The following FOXP1 variants were observed in gnomAD, a reference collection of about 807,000 sequenced individuals.
The protein encoded by FOXP1 is forkhead box P1.
FOXP1 carries 15 observed loss-of-function variants against 98.2 expected under a neutral mutation model. The observed-to-expected ratio is 0.15, with a 90% CI of 0.10 to 0.24. FOXP1 has a LOEUF of 0.24. Ranked by LOEUF, FOXP1 falls within the 10% of genes least tolerant of loss-of-function variation. The pLI is 1.00. For missense variants in FOXP1, 633 were observed against 848.5 expected, an observed-to-expected ratio of 0.75 and a Z score of 3.15; for synonymous variants, 371 against 314.5, an observed-to-expected ratio of 1.18 and a Z score of -1.90.
chr3:70,955,091 G>C lies in FOXP1; in HGVS notation c.*4156C>G, dbSNP rs1179264499. ...ACTTTGAAGACATCCAGAATTTCAGGAGGCTATGTCATTAACCAAAAGGTA... is the reference window on the plus strand; with the variant it reads ...ACTTTGAAGACATCCAGAATTTCAGCAGGCTATGTCATTAACCAAAAGGTA... On this transcript the variant is annotated 3_prime_UTR_variant, in exon 21 of 21. Transcript: ENST00000649528. 8.6e-6 allele frequency: 2 copies of C among 232,248 alleles called. No homozygotes were observed. The highest frequency in any genetic ancestry group is 1.7e-5 in the Non-Finnish European group (2 of 117,516). The allele number at this position is 232,248 out of a possible 1,614,324, so 14.4% of individuals were successfully genotyped here.
intron 2 of FOXP1, among the ~76,000 whole-genome samples, chr3:71,524,286 TC>T (rs897101182): frequency 4.6e-5 from 7 of 151,848 alleles, no homozygotes; most frequent in Non-Finnish European, 7.4e-5. Context: ...ATCACTTGAA[TC>T]AGGAAGCAGA....
At chr3:71,179,134 CTT>C (rs34816512) in intron 6 of FOXP1, among the ~76,000 whole-genome samples, 7 of 124,800 alleles carry the variant, frequency 5.6e-5, no homozygotes, top group Admixed American at 8.8e-5. Context: ...TCTTAACAAT[CTT>C]TTTTTTTTTT....
At chr3:71,470,895 T>C (rs1157449691) in intron 3 of FOXP1, among the ~76,000 whole-genome samples, 2 of 152,200 alleles carry the variant, frequency 1.3e-5, no homozygotes, top group Non-Finnish European at 2.9e-5. Flanking sequence ...TGAATGGTAC[T>C]TGCACCCACG....
intron 6 of FOXP1, among the ~76,000 whole-genome samples, chr3:71,191,354 T>C (rs1017185144): frequency 2.0e-5 from 3 of 152,172 alleles, no homozygotes; most frequent in African/African-American, 2.4e-5. Flanking sequence ...TAGGGCGTTC[T>C]TTTTTTATGA....
At chr3:71,130,932 A>ACCAAG in intron 6 of FOXP1, 1 of 1,281,584 alleles carries the variant, frequency 7.8e-7, no homozygotes, top group Non-Finnish European at 9.9e-7. Context: ...CCCTGGCTAG[A>ACCAAG]CCAAGCCCTA....
At chr3:71,531,070 A>G (rs2043807708) in intron 2 of FOXP1, among the ~76,000 whole-genome samples, 1 of 152,236 alleles carries the variant, frequency 6.6e-6, no homozygotes, top group African/African-American at 2.4e-5. Flanking sequence ...TTATGTTTAA[A>G]TCTGCGTTCA....
At chr3:71,184,336 A>T (rs2062517092) in intron 6 of FOXP1, among the ~76,000 whole-genome samples, 1 of 152,204 alleles carries the variant, frequency 6.6e-6, no homozygotes, top group African/African-American at 2.4e-5. Context: ...ACAAATTTAC[A>T]CTGCCTTCAG....
intron 2 of FOXP1, among the ~76,000 whole-genome samples, chr3:71,559,865 G>A (rs902735319): frequency 2.0e-5 from 3 of 151,746 alleles, no homozygotes; most frequent in South Asian, 2.1e-4. Context: ...TGGGGGTTGC[G>A]GGGGGGACCT....
At position 71,490,566 on chromosome 3, in the gene FOXP1, C is replaced by G. The variant is rs201637553; in HGVS notation, c.-168+2860G>C. 3.0e-4 allele frequency among the ~76,000 whole-genome samples: 45 copies of G among 152,038 alleles called. No homozygotes were observed. In the East Asian group the frequency reaches 8.3e-3, roughly 28 times the overall value. ...GTCCAGCTCACAGGATTTCAGGCAC[C>G]TCTACCTTCTACTAAAAATACTGAG... is the stretch of plus-strand genomic sequence containing the variant. On this transcript the variant is annotated intron_variant, in intron 3 of 20. Coordinates refer to ENST00000649528, the MANE Select transcript of FOXP1 (RefSeq NM_001349338.3).
Position 70,961,885 on chromosome 3 carries a change from A to T in FOXP1, c.1890-2494T>A, listed in dbSNP as rs1374430383. Among the ~76,000 whole-genome samples the T allele has an allele frequency of 5.3e-5, 8 of 152,156 alleles. No individual in the cohort carries two copies. In the East Asian group the frequency reaches 5.8e-4, roughly 11 times the overall value. Reference sequence around the variant, plus strand: ...AGTCCAGCCTGGGTGATACAGTAAGACCCCTATCTCTAAATAAAAAGGTAA... The same window carrying T: ...AGTCCAGCCTGGGTGATACAGTAAGTCCCCTATCTCTAAATAAAAAGGTAA... On this transcript the variant is annotated intron_variant, in intron 20 of 20. Transcript: ENST00000649528.
intron 4 of FOXP1, among the ~76,000 whole-genome samples, chr3:71,300,452 C>T (rs773889290): frequency 6.6e-6 from 1 of 152,028 alleles, no homozygotes; most frequent in Non-Finnish European, 1.5e-5. Context: ...ATGTATCTAC[C>T]GGAGCTACTA....
At chr3:71,057,266 T>G (rs1229687083) in intron 7 of FOXP1, among the ~76,000 whole-genome samples, 2 of 127,048 alleles carry the variant, frequency 1.6e-5, no homozygotes, top group African/African-American at 5.4e-5. Context: ...GGGCCCCTCT[T>G]TAAAAGTATT....
chr3:71,143,659 T>G (rs534234791), intron 6 of FOXP1, among the ~76,000 whole-genome samples: 1 of 152,204 alleles, frequency 6.6e-6, no homozygotes, highest in East Asian at 1.9e-4. Flanking sequence ...TTTGGGAGGC[T>G]GAGATGGGAG....
intron 7 of FOXP1, among the ~76,000 whole-genome samples, chr3:71,098,750 A>G (rs2056701500): frequency 6.6e-6 from 1 of 152,246 alleles, no homozygotes; most frequent in South Asian, 2.1e-4. Context: ...ATTAAGGACC[A>G]GTTCTTTGCT....
chr3:71,558,802 C>CAT (rs71621949), intron 2 of FOXP1, among the ~76,000 whole-genome samples: 4 of 117,554 alleles, frequency 3.4e-5, no homozygotes, highest in African/African-American at 1.4e-4. Context: ...CCGATTCTCA[C>CAT]TTTTTTTTTT....
chr3:71,411,994 G>A (rs756944188), intron 3 of FOXP1, among the ~76,000 whole-genome samples: 2 of 152,208 alleles, frequency 1.3e-5, no homozygotes, highest in Non-Finnish European at 2.9e-5. Context: ...CAAAAATGAT[G>A]AAGAATGTTG....
At chr3:71,474,192 C>T (rs1187020607) in intron 3 of FOXP1, among the ~76,000 whole-genome samples, 3 of 152,054 alleles carry the variant, frequency 2.0e-5, no homozygotes, top group Non-Finnish European at 4.4e-5. Context: ...TGGCTTTTCT[C>T]TCTGTGGCTT....
chr3:71,521,069 C>T (rs2042946147), intron 2 of FOXP1, among the ~76,000 whole-genome samples: 1 of 152,058 alleles, frequency 6.6e-6, no homozygotes, highest in Non-Finnish European at 1.5e-5. Flanking sequence ...ATGAAGATGA[C>T]AGAGAAATAC....
At chr3:70,981,805 T>C (rs2038917314) in intron 14 of FOXP1, among the ~76,000 whole-genome samples, 2 of 152,148 alleles carry the variant, frequency 1.3e-5, no homozygotes, top group South Asian at 4.1e-4. Flanking sequence ...CACATATACA[T>C]ATTCCCACAA....
Sources: allele counts gnomAD v4.1 joint callset (sites outside exome capture counted in the v4.1 genomes callset), GRCh38; gene constraint gnomAD v4.1.1; transcripts MANE v1.5; gene names NCBI Gene and HGNC (gene_info 2026-07-23, HGNC 2026-07-21).